The following KCNQ3 variants were observed in gnomAD, a reference collection of about 807,000 sequenced individuals.
KCNQ3 encodes potassium voltage-gated channel subfamily Q member 3, also known as potassium voltage-gated channel subfamily KQT member 3.
KCNQ3 carries 30 observed loss-of-function variants against 92.5 expected under a neutral mutation model. The ratio of observed to expected loss-of-function variants is 0.32; its 90% CI spans 0.24 to 0.44. The LOEUF (loss-of-function observed/expected upper bound fraction) is 0.44. KCNQ3 is among the 20% of genes least tolerant of loss of function. The probability of loss-of-function intolerance (pLI) is 1.00; values close to 1 mark genes in which losing one functional copy is unlikely to be tolerated. For synonymous variants in KCNQ3, 450 were observed against 468.8 expected, an observed-to-expected ratio of 0.96 and a Z score of 0.52; for missense variants, 913 against 1,140.3, an observed-to-expected ratio of 0.80 and a Z score of 2.87.
At chr8:132,351,991 C>T (rs1450223743) in intron 1 of KCNQ3, among the ~76,000 whole-genome samples, 3 of 152,182 alleles carry the variant, frequency 2.0e-5, no homozygotes, top group East Asian at 1.9e-4. Flanking sequence ...GGCTTAGAGT[C>T]GGCATTATAG....
chr8:132,213,100 T>A (rs1362791043), intron 1 of KCNQ3, among the ~76,000 whole-genome samples: 2 of 152,256 alleles, frequency 1.3e-5, no homozygotes, highest in Admixed American at 1.3e-4. Flanking sequence ...ATGGATCATT[T>A]ATCAATGGTG....
rs532933478 is a variant in KCNQ3, at chr8:132,357,861, A to C, written c.386+122286T>G. On this transcript the variant is annotated intron_variant, in intron 1 of 14. Transcript: ENST00000388996. ...AGAACCTTCCCCTTGCACTCCAATG[A>C]GTCACCTGCCATTCCTTACTCATGT... Among the ~76,000 whole-genome samples the C allele has an allele frequency of 6.6e-5, 10 of 152,318 alleles. No individual in the cohort carries two copies. The South Asian group carries it at 2.1e-3, about 32-fold the overall frequency.
chr8:132,356,953 G>A (rs901234951), intron 1 of KCNQ3, among the ~76,000 whole-genome samples: 30 of 152,112 alleles, frequency 2.0e-4, no homozygotes, highest in Non-Finnish European at 3.5e-4. Context: ...CAGACTTGAG[G>A]TTTTACAGTC....
intron 1 of KCNQ3, among the ~76,000 whole-genome samples, chr8:132,337,391 G>C (rs1180568290): frequency 6.6e-6 from 1 of 152,114 alleles, no homozygotes; most frequent in African/African-American, 2.4e-5. Context: ...CAGCTACTCA[G>C]GGGGCTGAGG....
intron 1 of KCNQ3, among the ~76,000 whole-genome samples, chr8:132,403,736 G>A (rs1275924743): frequency 6.6e-6 from 1 of 152,168 alleles, no homozygotes; most frequent in Non-Finnish European, 1.5e-5. Context: ...ACAGCCCCGG[G>A]CCTCTGGTTT....
chr8:132,169,845 A>AT lies in KCNQ3; in HGVS notation c.1235+488dup, dbSNP rs112229112. On this transcript the variant is annotated intron_variant, in intron 8 of 14. Transcript: ENST00000388996. Reference sequence around the variant, plus strand: ...GCTTGAGGTGTGGCCTAGGCATCAGATTTTTTTTTTCTTTATTTTTATTTT... The same window carrying AT: ...GCTTGAGGTGTGGCCTAGGCATCAGATTTTTTTTTTTCTTTATTTTTATTTT... Among the ~76,000 whole-genome samples the AT allele has an allele frequency of 8.6e-5, 13 of 150,692 alleles. No homozygotes were observed. The South Asian group carries it at 1.5e-3, about 17-fold the overall frequency.
At chr8:132,246,330 G>C (rs796255107) in intron 1 of KCNQ3, among the ~76,000 whole-genome samples, 22 of 152,324 alleles carry the variant, frequency 1.4e-4, no homozygotes, top group African/African-American at 5.1e-4. Flanking sequence ...AGGAACATGA[G>C]GGGGAACAAT....
chr8:132,230,455 G>C (rs368615216), intron 1 of KCNQ3, among the ~76,000 whole-genome samples: 13 of 114,398 alleles, frequency 1.1e-4, no homozygotes, highest in African/African-American at 5.6e-4. Context: ...GAGACAGAGA[G>C]AGAGAGAGAG....
chr8:132,218,905 G>A (rs1021300266), intron 1 of KCNQ3, among the ~76,000 whole-genome samples: 4 of 152,154 alleles, frequency 2.6e-5, no homozygotes, highest in African/African-American at 9.7e-5. Flanking sequence ...TGGCCACAGA[G>A]GAATGGAGGG....
At chr8:132,328,508 C>T (rs147029371) in intron 1 of KCNQ3, among the ~76,000 whole-genome samples, 2 of 152,234 alleles carry the variant, frequency 1.3e-5, no homozygotes, top group South Asian at 2.1e-4. Context: ...TGGGTGAACA[C>T]GCCCAAGTTA....
intron 1 of KCNQ3, chr8:132,187,216 G>GTTCA: frequency 2.2e-6 from 1 of 455,930 alleles, no homozygotes; most frequent in Non-Finnish European, 4.4e-6. Flanking sequence ...TTTGGCTTTT[G>GTTCA]TTCATTCATT....
chr8:132,368,634 C>T (rs2130734296), intron 1 of KCNQ3, among the ~76,000 whole-genome samples: 1 of 151,394 alleles, frequency 6.6e-6, no homozygotes, highest in East Asian at 1.9e-4. Flanking sequence ...GCCTGAGAGA[C>T]TGAAAGAGAC....
chr8:132,228,569 G>A (rs1393583964), intron 1 of KCNQ3, among the ~76,000 whole-genome samples: 2 of 152,112 alleles, frequency 1.3e-5, no homozygotes, highest in African/African-American at 4.8e-5. Flanking sequence ...CCAGAACATA[G>A]TGAACACTCA....
At chr8:132,365,978 C>T (rs1459360059) in intron 1 of KCNQ3, among the ~76,000 whole-genome samples, 2 of 152,092 alleles carry the variant, frequency 1.3e-5, no homozygotes, top group Admixed American at 6.6e-5. Flanking sequence ...TTACAGTGAG[C>T]CAAAATGGCA....
intron 1 of KCNQ3, among the ~76,000 whole-genome samples, chr8:132,375,751 C>T (rs1399452692): frequency 2.6e-5 from 4 of 152,186 alleles, no homozygotes; most frequent in Non-Finnish European, 4.4e-5. Context: ...AATGCCATCT[C>T]GGCCTCTTCT....
At chr8:132,190,166 A>G (rs2130211362) in intron 1 of KCNQ3, among the ~76,000 whole-genome samples, 1 of 152,264 alleles carries the variant, frequency 6.6e-6, no homozygotes, top group Non-Finnish European at 1.5e-5. Flanking sequence ...GGACTCTGAG[A>G]CTTTACACAG....
At chr8:132,200,381 T>C (rs1827422198) in intron 1 of KCNQ3, among the ~76,000 whole-genome samples, 2 of 152,172 alleles carry the variant, frequency 1.3e-5, no homozygotes, top group African/African-American at 4.8e-5. Flanking sequence ...ATAGAGATGG[T>C]CTGGCCTATA....
At chr8:132,136,113 C>A in intron 12 of KCNQ3, among the ~76,000 whole-genome samples, 1 of 80,410 alleles carries the variant, frequency 1.2e-5, no homozygotes, top group Non-Finnish European at 2.1e-5. Context: ...AGTGAGACTC[C>A]ATCTCAAAAA....
At chr8:132,178,231 G>A (rs1221811981) in intron 4 of KCNQ3, among the ~76,000 whole-genome samples, 1 of 152,174 alleles carries the variant, frequency 6.6e-6, no homozygotes, top group African/African-American at 2.4e-5. Flanking sequence ...TTATTAACGT[G>A]TCCTTTGATA....
Sources: allele counts gnomAD v4.1 joint callset (sites outside exome capture counted in the v4.1 genomes callset), GRCh38; gene constraint gnomAD v4.1.1; transcripts MANE v1.5; gene names NCBI Gene and HGNC (gene_info 2026-07-23, HGNC 2026-07-21).